DPP10: variants seen among roughly 807,000 people sequenced by gnomAD.
DPP10 encodes inactive dipeptidyl peptidase 10.
In DPP10, 33 loss-of-function variants were observed where a neutral mutation model predicts 120.9. The ratio of observed to expected loss-of-function variants is 0.27; its 90% CI spans 0.21 to 0.37. DPP10 has a LOEUF of 0.37. Among genes scored for constraint, DPP10 ranks in the 10% least tolerant of loss-of-function variants. The pLI is 1.00. For missense variants in DPP10, 816 were observed against 942.8 expected, an observed-to-expected ratio of 0.87 and a Z score of 1.76; for synonymous variants, 337 against 326.1, an observed-to-expected ratio of 1.03 and a Z score of -0.36.
chr2:115,126,972 A>G (rs2050114441), intron 1 of DPP10, among the ~76,000 whole-genome samples: 1 of 152,242 alleles, frequency 6.6e-6, no homozygotes, highest in Non-Finnish European at 1.5e-5. Context: ...AGACTTTCCA[A>G]ACAACTTTGT....
At chr2:114,918,475 G>T (rs1694963113) in intron 1 of DPP10, among the ~76,000 whole-genome samples, 1 of 152,108 alleles carries the variant, frequency 6.6e-6, no homozygotes, top group African/African-American at 2.4e-5. Flanking sequence ...ACATGGTTCT[G>T]CATTAAAGAC....
chr2:114,981,565 G>T (rs1046362092), intron 1 of DPP10, among the ~76,000 whole-genome samples: 1 of 151,986 alleles, frequency 6.6e-6, no homozygotes, highest in African/African-American at 2.4e-5. Context: ...GGCTAAGTGA[G>T]ACCCCTTTCT....
intron 5 of DPP10, among the ~76,000 whole-genome samples, chr2:115,680,818 A>G (rs1559022234): frequency 1.3e-5 from 2 of 151,968 alleles, no homozygotes; most frequent in African/African-American, 4.8e-5. Context: ...CAAAGTTATA[A>G]TCTGTCATAT....
At chr2:114,818,279 C>T (rs144571685) in intron 1 of DPP10, among the ~76,000 whole-genome samples, 1 of 152,244 alleles carries the variant, frequency 6.6e-6, no homozygotes, top group East Asian at 1.9e-4. Flanking sequence ...CTGTTACAGG[C>T]TCTATTACAG....
chr2:115,719,139 T>C (rs2421283), intron 7 of DPP10, among the ~76,000 whole-genome samples: 13,480 of 152,254 alleles, frequency 0.089, 698 homozygotes, highest in Non-Finnish European at 0.11. Flanking sequence ...ATATTCCTTA[T>C]ATTCCATTTA....
chr2:115,629,502 G>A (rs1047060007), intron 5 of DPP10, among the ~76,000 whole-genome samples: 3 of 152,174 alleles, frequency 2.0e-5, no homozygotes, highest in East Asian at 1.9e-4. Context: ...TTTAATGATT[G>A]CCATTCTAAC....
chr2:115,641,106 A>G (rs971545356), intron 5 of DPP10, among the ~76,000 whole-genome samples: 2 of 152,158 alleles, frequency 1.3e-5, no homozygotes, highest in Non-Finnish European at 2.9e-5. Context: ...AATTGTACTG[A>G]TTCTAATATC....
intron 4 of DPP10, among the ~76,000 whole-genome samples, chr2:115,517,239 C>T (rs916404580): frequency 8.5e-5 from 13 of 152,132 alleles, no homozygotes; most frequent in African/African-American, 2.9e-4. Context: ...ATGGATATTT[C>T]TGATAAAATG....
chr2:114,525,517 C>T (rs1204220524), intron 1 of DPP10, among the ~76,000 whole-genome samples: 2 of 152,162 alleles, frequency 1.3e-5, no homozygotes, highest in African/African-American at 4.8e-5. Flanking sequence ...GCAATTTCAA[C>T]AACCACTCTA....
At chr2:115,434,023 A>G (rs902650302) in intron 3 of DPP10, among the ~76,000 whole-genome samples, 1 of 151,960 alleles carries the variant, frequency 6.6e-6, no homozygotes, top group Admixed American at 6.6e-5. Flanking sequence ...ATACTTTGGT[A>G]ATAGTTTTCT....
chr2:115,553,078 A>G (rs2079974311), intron 5 of DPP10, among the ~76,000 whole-genome samples: 1 of 152,112 alleles, frequency 6.6e-6, no homozygotes, highest in Non-Finnish European at 1.5e-5. Flanking sequence ...ATTTAAAAGG[A>G]ATTTACTATG....
intron 3 of DPP10, among the ~76,000 whole-genome samples, chr2:115,442,353 G>GTGTGTGTGTT (rs1357156305): frequency 7.0e-6 from 1 of 143,456 alleles, no homozygotes. Flanking sequence ...TATTATCTGT[G>GTGTGTGTGTT]TGTGTGTGTT....
At chr2:115,456,049 A>G (rs376165349) in intron 3 of DPP10, among the ~76,000 whole-genome samples, 4 of 152,170 alleles carry the variant, frequency 2.6e-5, no homozygotes, top group Admixed American at 2.0e-4. Context: ...AATGGGAGAA[A>G]ATTTTTGCAA....
At chr2:115,301,166 C>T (rs928725243) in intron 1 of DPP10, among the ~76,000 whole-genome samples, 1 of 151,892 alleles carries the variant, frequency 6.6e-6, no homozygotes, top group Non-Finnish European at 1.5e-5. Flanking sequence ...AAGAGTTTCA[C>T]CCCTGCTTCT....
At chr2:115,767,425 T>A (rs1680895138) in intron 12 of DPP10, among the ~76,000 whole-genome samples, 1 of 152,036 alleles carries the variant, frequency 6.6e-6, no homozygotes, top group South Asian at 2.1e-4. Context: ...GTTTTCTTAA[T>A]GTTTTTCCTG....
At chr2:114,699,542 G>C (rs1700267137) in intron 1 of DPP10, among the ~76,000 whole-genome samples, 1 of 152,020 alleles carries the variant, frequency 6.6e-6, no homozygotes, top group Non-Finnish European at 1.5e-5. Flanking sequence ...TGAGGCTCTT[G>C]GCCCATATCT....
chr2:115,062,226 C>T (rs1706475799), intron 1 of DPP10, among the ~76,000 whole-genome samples: 1 of 151,504 alleles, frequency 6.6e-6, no homozygotes, highest in African/African-American at 2.4e-5. Context: ...TGCTATTCCT[C>T]TTTGAGTCTA....
chr2:114,670,171 T>C (rs1698223267), intron 1 of DPP10, among the ~76,000 whole-genome samples: 2 of 152,148 alleles, frequency 1.3e-5, no homozygotes. Flanking sequence ...CATTACTGGG[T>C]ATATACCCAA....
intron 5 of DPP10, among the ~76,000 whole-genome samples, chr2:115,628,698 G>A (rs2085574630): frequency 1.3e-5 from 2 of 151,994 alleles, no homozygotes; most frequent in Admixed American, 1.3e-4. Context: ...TTTTGTATAA[G>A]GTGTAAGGAG....
Sources: allele counts gnomAD v4.1 joint callset (sites outside exome capture counted in the v4.1 genomes callset), GRCh38; gene constraint gnomAD v4.1.1; transcripts MANE v1.5; gene names NCBI Gene and HGNC (gene_info 2026-07-23, HGNC 2026-07-21).